SAMHD1: variants seen among roughly 807,000 people sequenced by gnomAD.
SAMHD1 encodes the protein deoxynucleoside triphosphate triphosphohydrolase SAMHD1.
Under a neutral mutation model 79.6 loss-of-function variants are expected in SAMHD1, and 54 were observed. The ratio of observed to expected loss-of-function variants is 0.68; its 90% CI spans 0.55 to 0.85. The LOEUF (loss-of-function observed/expected upper bound fraction) is 0.85. Ranked by LOEUF, SAMHD1 falls within the 40% of genes least tolerant of loss-of-function variation. The pLI, the probability that SAMHD1 is intolerant of heterozygous loss-of-function variation, is 0.00. For synonymous variants in SAMHD1, 260 were observed against 264.1 expected (o/e 0.98, Z 0.15); for missense variants, 663 against 782.7 (o/e 0.85, Z 1.82).
At position 36,905,556 on chromosome 20, in the gene SAMHD1, G is replaced by T. The variant is rs926570612; in HGVS notation, c.1271-53C>A. 6.5e-6 allele frequency: 9 copies of T among 1,392,738 alleles called. No individual in the cohort carries two copies. In the African/African-American group the frequency reaches 8.6e-5, roughly 13 times the overall value. 86.3% of individuals were successfully genotyped at this position (1,392,738 alleles called of 1,614,324 possible). On this transcript the variant is annotated intron_variant, in intron 11 of 15. Coordinates refer to ENST00000646673, the MANE Select transcript of SAMHD1 (RefSeq NM_015474.4). The stretch of plus-strand genomic sequence containing the variant: ...ATTAAAATAAAAACACAGAGTTAAA[G>T]AATTATATAGTGCTATTCTATTGAA...
At position 36,892,798 on chromosome 20, in the gene SAMHD1, T is replaced by G. The variant is rs1459768819; in HGVS notation, c.*134A>C. 1 of 1,132,042 alleles carries G rather than the reference T, an allele frequency of 8.8e-7. No homozygotes were observed. Among genetic ancestry groups the G allele is most frequent in the Non-Finnish European group, 1.3e-6 (1 of 743,348 alleles). 70.1% of individuals were successfully genotyped at this position (1,132,042 alleles called of 1,614,324 possible). A position where few individuals can be genotyped will look rare whatever the true frequency, so the allele number is the denominator to read the frequency against. ...CTTATTTCTTTGATTAAAAGTTACT[T>G]AGCTTCAGCATGCGTGTACATTCAA... On this transcript the variant is annotated 3_prime_UTR_variant, in exon 16 of 16. Coordinates refer to ENST00000646673, the MANE Select transcript of SAMHD1 (RefSeq NM_015474.4).
chr20:36,893,630 T>C (rs887276144), intron 15 of SAMHD1: 2 of 366,568 alleles, frequency 5.5e-6, no homozygotes, highest in Non-Finnish European at 9.7e-6. Context: ...CGTGAAACCA[T>C]AGAGGTAAGA....
chr20:36,916,145 A>C (rs1268873796), intron 9 of SAMHD1, among the ~76,000 whole-genome samples: 1 of 151,818 alleles, frequency 6.6e-6, no homozygotes, highest in African/African-American at 2.4e-5. Flanking sequence ...TGGGTGACTG[A>C]GCGAGACTCC....
At chr20:36,917,908 A>T (rs183206560) in intron 7 of SAMHD1, among the ~76,000 whole-genome samples, 1,952 of 152,282 alleles carry the variant, frequency 0.013, 20 homozygotes, top group Non-Finnish European at 0.019. Context: ...ATTATTTCCC[A>T]ACTTTATTTT....
intron 13 of SAMHD1, among the ~76,000 whole-genome samples, chr20:36,901,806 T>C (rs1351251257): frequency 6.6e-6 from 1 of 152,156 alleles, no homozygotes; most frequent in African/African-American, 2.4e-5. Context: ...CAACCACATG[T>C]TAAGTGCTCA....
At chr20:36,942,440 C>A (rs1414869774) in intron 2 of SAMHD1, among the ~76,000 whole-genome samples, 3 of 151,918 alleles carry the variant, frequency 2.0e-5, no homozygotes, top group Admixed American at 1.3e-4. Flanking sequence ...AAAACAAAAC[C>A]AAAATCACTG....
chr20:36,893,119 T>A, intron 15 of SAMHD1, 53 bp from the exon 16 acceptor site: 1 of 1,602,622 alleles, frequency 6.2e-7, no homozygotes, highest in East Asian at 2.2e-5. Flanking sequence ...GTTTCCATCA[T>A]CTTATTTCTG....
intron 15 of SAMHD1, 65 bp downstream of exon 15, chr20:36,897,757 C>A (rs866454318): frequency 6.3e-7 from 1 of 1,587,118 alleles, no homozygotes; most frequent in Middle Eastern, 1.7e-4. Context: ...AGCAGATAGA[C>A]TTACTTTTGG....
rs376368527 is a variant in SAMHD1, at chr20:36,900,093, C to CAA, written c.1504-1551_1504-1550dup. Reference sequence around the variant, plus strand: ...TGGGTGACACAGTGAGACTCCGTCTCAAAAAAAAAAAAAAAATGTAAGAGA... The same window carrying CAA: ...TGGGTGACACAGTGAGACTCCGTCTCAAAAAAAAAAAAAAAAAATGTAAGAGA... On this transcript the variant is annotated intron_variant, in intron 13 of 15. Coordinates refer to ENST00000646673, the MANE Select transcript of SAMHD1 (RefSeq NM_015474.4). Among the ~76,000 whole-genome samples, 661 of 108,710 alleles carry CAA rather than the reference C, an allele frequency of 6.1e-3. 2 individuals carry two copies. Among genetic ancestry groups the CAA allele is most frequent in the South Asian group, 0.01 (37 of 3,590 alleles). 71.3% of individuals were successfully genotyped at this position (108,710 alleles called of 152,430 possible).
chr20:36,915,916 T>C (rs8119575), intron 9 of SAMHD1, among the ~76,000 whole-genome samples: 66 of 152,078 alleles, frequency 4.3e-4, no homozygotes, highest in African/African-American at 1.4e-3. Context: ...TCCCAGCACT[T>C]TGGGAGGCCG....
chr20:36,935,813 C>T (rs1049204957), intron 3 of SAMHD1, among the ~76,000 whole-genome samples: 7 of 152,086 alleles, frequency 4.6e-5, no homozygotes, highest in Non-Finnish European at 8.8e-5. Context: ...TCAAGTGATC[C>T]GCCCACCTCG....
rs1412938206 is a variant in SAMHD1, at chr20:36,891,361, T to G, written c.*1571A>C. On this transcript the variant is annotated 3_prime_UTR_variant, in exon 16 of 16. Transcript: ENST00000646673. ...GAAATCTGCTGGCCTGTGGTCTGAG[T>G]TCCCCTACTTGCTCAGGCTGCCCCT... 6.6e-6 allele frequency: 1 copy of G among 152,248 alleles called. No individual in the cohort carries two copies. The highest frequency in any genetic ancestry group is 1.5e-5 in the Non-Finnish European group (1 of 68,120). 9.4% of individuals were successfully genotyped at this position (152,248 alleles called of 1,614,324 possible).
Position 36,919,442 on chromosome 20 carries a change from A to G in SAMHD1, c.774T>C (p.Gly258=), listed in dbSNP as rs1396603854. 4.3e-6 allele frequency: 7 copies of G among 1,613,026 alleles called. No homozygotes were observed. Among genetic ancestry groups the G allele is most frequent in the African/African-American group, 1.3e-5 (1 of 74,896 alleles). Residue 258 remains glycine, a synonymous_variant, in exon 7 of 16, where the codon GGT becomes GGC. Transcript: ENST00000646673. The part of the protein sequence containing the change: ...NGIKPVMEQY[G]LIPEEDICFI... ...AGCAAATATCTTCTTCAGGGATGAG[A>G]CCATATTGTTCCATGACAGGCTTAA...
rs542947370 is a variant in SAMHD1, at chr20:36,944,077, C to CAAAAAA, written c.275+2655_275+2660dup. The stretch of plus-strand genomic sequence containing the variant: ...TGAGTGACAGAGCAAGACTCCATCT[C>CAAAAAA]AAAAAAAAAAAAAAAAAAAAGAACT... On this transcript the variant is annotated intron_variant, in intron 2 of 15. Transcript: ENST00000646673. 1.8e-3 allele frequency among the ~76,000 whole-genome samples: 162 copies of CAAAAAA among 89,956 alleles called. 6 individuals carry two copies. Among genetic ancestry groups the CAAAAAA allele is most frequent in the African/African-American group, 6.3e-3 (152 of 24,180 alleles). The allele number at this position is 89,956 out of a possible 152,430, so 59.0% of individuals were successfully genotyped here.
chr20:36,897,455 T>C lies in SAMHD1; in HGVS notation c.1746+367A>G, dbSNP rs981955601. ...AGTAACGAGGTTTAGAAACATGAAG[T>C]CTATTATCAATTTTATGTTAAACAA... On this transcript the variant is annotated intron_variant, in intron 15 of 15. Coordinates refer to ENST00000646673, the MANE Select transcript of SAMHD1 (RefSeq NM_015474.4). The C allele has an allele frequency of 6.8e-5, 22 of 321,238 alleles. No homozygotes were observed. The Admixed American group carries it at 1.0e-3, about 15-fold the overall frequency. 19.9% of individuals were successfully genotyped at this position (321,238 alleles called of 1,614,324 possible).
chr20:36,923,299 AAG>A (rs2063517948), intron 6 of SAMHD1, among the ~76,000 whole-genome samples: 1 of 152,114 alleles, frequency 6.6e-6, no homozygotes, highest in African/African-American at 2.4e-5. Flanking sequence ...ACGCCTGGCC[AAG>A]AGAGAGTATT....
chr20:36,917,706 T>A (rs1489036592), intron 7 of SAMHD1, among the ~76,000 whole-genome samples: 1 of 152,166 alleles, frequency 6.6e-6, no homozygotes. Context: ...ATGCTTGAAT[T>A]CATGCATTAA....
chr20:36,912,135 G>A (rs2063444368), intron 10 of SAMHD1: 1 of 313,824 alleles, frequency 3.2e-6, no homozygotes, highest in Non-Finnish European at 6.0e-6. Context: ...CCATTCTCCT[G>A]ATGAGAATGG....
intron 9 of SAMHD1, among the ~76,000 whole-genome samples, 199 bp from the exon 10 acceptor site, chr20:36,912,751 A>T (rs199918252): frequency 1.2e-3 from 127 of 107,002 alleles, no homozygotes; most frequent in Admixed American, 1.7e-3. Flanking sequence ...TGCAACTTTC[A>T]TTTTTTTTTT....
Sources: allele counts gnomAD v4.1 joint callset (sites outside exome capture counted in the v4.1 genomes callset), GRCh38; gene constraint gnomAD v4.1.1; transcripts MANE v1.5; gene names NCBI Gene and HGNC (gene_info 2026-07-23, HGNC 2026-07-21).